The following CHRM3 variants were observed in gnomAD, a reference collection of about 807,000 sequenced individuals.
CHRM3 encodes cholinergic receptor muscarinic 3, also known as muscarinic acetylcholine receptor M3.
A neutral mutation model predicts 41.8 loss-of-function variants in CHRM3; 11 were observed. The ratio of observed to expected loss-of-function variants is 0.26; its 90% CI spans 0.17 to 0.44. The LOEUF (loss-of-function observed/expected upper bound fraction) is 0.44, where lower values mean the gene tolerates loss of function less well. Among genes scored for constraint, CHRM3 ranks in the 20% least tolerant of loss-of-function variants. The pLI is 1.00. For missense variants in CHRM3, 571 were observed against 745.4 expected (o/e 0.77, Z 2.72); for synonymous variants, 297 against 301.4 (o/e 0.99, Z 0.15).
At chr1:239,535,211 A>C (rs1484557193) in intron 2 of CHRM3, among the ~76,000 whole-genome samples, 1 of 152,266 alleles carries the variant, frequency 6.6e-6, no homozygotes, top group East Asian at 1.9e-4. Context: ...CCAGGGTACC[A>C]ATCAACCGTG....
At chr1:239,491,645 T>C (rs1452871370) in intron 1 of CHRM3, among the ~76,000 whole-genome samples, 2 of 152,192 alleles carry the variant, frequency 1.3e-5, no homozygotes, top group Non-Finnish European at 2.9e-5. Context: ...ACAATAAGCA[T>C]AGGAGGGCAG....
intron 5 of CHRM3, among the ~76,000 whole-genome samples, chr1:239,731,068 T>C (rs1479477181): frequency 6.6e-6 from 1 of 151,940 alleles, no homozygotes; most frequent in Admixed American, 6.6e-5. Flanking sequence ...AAGATAGTGG[T>C]GCCATTCTTT....
intron 6 of CHRM3, among the ~76,000 whole-genome samples, chr1:239,878,042 C>CA (rs1677261754): frequency 6.6e-6 from 1 of 151,866 alleles, no homozygotes; most frequent in Non-Finnish European, 1.5e-5. Context: ...AGGTGCGTGC[C>CA]ACCACACCCG....
At chr1:239,779,767 A>T (rs189336940) in intron 5 of CHRM3, among the ~76,000 whole-genome samples, 1 of 152,240 alleles carries the variant, frequency 6.6e-6, no homozygotes, top group African/African-American at 2.4e-5. Flanking sequence ...GTCACCTAAA[A>T]ATCCTCTGTG....
rs758413973 is a variant in CHRM3 at position 239,874,285 on chromosome 1, G to GTATATATATATATATATA, written c.-19-33123_-19-33106dup. Among the ~76,000 whole-genome samples, 13 of 83,242 alleles carry GTATATATATATATATATA rather than the reference G, an allele frequency of 1.6e-4. 1 individual carries two copies. The highest frequency in any genetic ancestry group is 6.7e-4 in the African/African-American group (11 of 16,426). 54.6% of individuals were successfully genotyped at this position (83,242 alleles called of 152,430 possible). ...AGACCTATATATATCTATATACACA[G>GTATATATATATATATATA]TATATATATATATATATATATATAT... On this transcript the variant is annotated intron_variant, in intron 6 of 6. Coordinates refer to ENST00000676153, the MANE Select transcript of CHRM3 (RefSeq NM_001375978.1).
At chr1:239,767,704 T>C (rs561554290) in intron 5 of CHRM3, among the ~76,000 whole-genome samples, 1 of 152,338 alleles carries the variant, frequency 6.6e-6, no homozygotes, top group Non-Finnish European at 1.5e-5. Flanking sequence ...AGGTATATTA[T>C]TTTATTTAAT....
intron 1 of CHRM3, among the ~76,000 whole-genome samples, chr1:239,481,876 A>G (rs567092783): frequency 6.2e-4 from 95 of 152,318 alleles, no homozygotes; most frequent in Admixed American, 1.2e-3. Context: ...CTGGTAAAGT[A>G]AGTGGTGCTG....
At chr1:239,436,529 C>T (rs1456423630) in intron 1 of CHRM3, among the ~76,000 whole-genome samples, 2 of 151,912 alleles carry the variant, frequency 1.3e-5, no homozygotes, top group African/African-American at 4.8e-5. Context: ...TTTTATGTGT[C>T]CCTTTGAATC....
At chr1:239,759,376 A>G (rs1028380446) in intron 5 of CHRM3, among the ~76,000 whole-genome samples, 1 of 151,564 alleles carries the variant, frequency 6.6e-6, no homozygotes, top group East Asian at 1.9e-4. Flanking sequence ...TTTTATATTA[A>G]TTTATCAAAA....
intron 5 of CHRM3, among the ~76,000 whole-genome samples, chr1:239,788,437 G>A (rs1007672126): frequency 9.9e-5 from 15 of 151,904 alleles, no homozygotes; most frequent in Admixed American, 3.3e-4. Context: ...TAAGGCCTAC[G>A]TTAACAGTCC....
chr1:239,836,812 TA>T (rs1278176955), intron 6 of CHRM3, among the ~76,000 whole-genome samples: 1 of 151,986 alleles, frequency 6.6e-6, no homozygotes, highest in African/African-American at 2.4e-5. Flanking sequence ...TTGTCTCCAC[TA>T]AAAATACAAA....
chr1:239,783,983 A>C (rs1356317689), intron 5 of CHRM3, among the ~76,000 whole-genome samples: 2 of 152,174 alleles, frequency 1.3e-5, no homozygotes, highest in Non-Finnish European at 2.9e-5. Flanking sequence ...TTCCTGCATT[A>C]ATTCACCGAG....
chr1:239,756,680 G>T (rs1024478847), intron 5 of CHRM3, among the ~76,000 whole-genome samples: 2 of 152,132 alleles, frequency 1.3e-5, no homozygotes, highest in African/African-American at 4.8e-5. Context: ...GAGAGTAATG[G>T]CTGACCTGTT....
intron 5 of CHRM3, among the ~76,000 whole-genome samples, chr1:239,701,787 C>T (rs752433731): frequency 6.6e-6 from 1 of 152,232 alleles, no homozygotes; most frequent in Non-Finnish European, 1.5e-5. Flanking sequence ...GGACTCCGAT[C>T]GCCGTAGGTA....
chr1:239,511,835 G>A (rs989448160), intron 2 of CHRM3, among the ~76,000 whole-genome samples: 5 of 152,200 alleles, frequency 3.3e-5, no homozygotes, highest in African/African-American at 1.2e-4. Flanking sequence ...CAAATGAATA[G>A]ATCCGGAAAG....
chr1:239,892,154 G>A (rs1015993233), intron 6 of CHRM3, among the ~76,000 whole-genome samples: 1 of 152,094 alleles, frequency 6.6e-6, no homozygotes, highest in African/African-American at 2.4e-5. Flanking sequence ...TATTCCTTTG[G>A]CCTGTTGTTT....
At chr1:239,389,093 A>C (rs979731494) in intron 1 of CHRM3, among the ~76,000 whole-genome samples, 1 of 152,216 alleles carries the variant, frequency 6.6e-6, no homozygotes, top group Non-Finnish European at 1.5e-5. Context: ...TGCGTCATTA[A>C]TCGAATGAAC....
intron 4 of CHRM3, among the ~76,000 whole-genome samples, chr1:239,660,699 A>G (rs150904575): frequency 1.5e-3 from 229 of 152,248 alleles, no homozygotes; most frequent in African/African-American, 5.0e-3. Flanking sequence ...CCTGGCCAAC[A>G]TGGCAAAACC....
intron 5 of CHRM3, among the ~76,000 whole-genome samples, chr1:239,814,094 T>A (rs1671376392): frequency 6.6e-6 from 1 of 152,104 alleles, no homozygotes; most frequent in Non-Finnish European, 1.5e-5. Flanking sequence ...AAGGCCAATT[T>A]AGGAATTTTT....
Sources: allele counts gnomAD v4.1 joint callset (sites outside exome capture counted in the v4.1 genomes callset), GRCh38; gene constraint gnomAD v4.1.1; transcripts MANE v1.5; gene names NCBI Gene and HGNC (gene_info 2026-07-23, HGNC 2026-07-21).